KLHL28: variants seen among roughly 807,000 people sequenced by gnomAD.
KLHL28 encodes kelch like family member 28.
KLHL28 carries 22 observed loss-of-function variants against 48.3 expected under a neutral mutation model. The ratio of observed to expected loss-of-function variants is 0.46; its 90% CI spans 0.33 to 0.65. The LOEUF (loss-of-function observed/expected upper bound fraction) is 0.65, where lower values mean the gene tolerates loss of function less well. Among genes scored for constraint, KLHL28 ranks in the 30% least tolerant of loss-of-function variants. The pLI, the probability that KLHL28 is intolerant of heterozygous loss-of-function variation, is 0.03. For synonymous variants in KLHL28, 243 were observed against 242.4 expected (o/e 1.00, Z -0.02); for missense variants, 527 against 704.3 (o/e 0.75, Z 2.85).
chr14:44,956,188 T>C (rs1355367709), intron 1 of KLHL28, among the ~76,000 whole-genome samples: 5 of 152,204 alleles, frequency 3.3e-5, no homozygotes, highest in Non-Finnish European at 7.3e-5. Flanking sequence ...CTCAATCTCC[T>C]GGTCTTAAGC....
chr14:44,936,988 T>C (rs1883852631), intron 2 of KLHL28, among the ~76,000 whole-genome samples: 1 of 152,128 alleles, frequency 6.6e-6, no homozygotes, highest in South Asian at 2.1e-4. Flanking sequence ...AAGAGTGGAA[T>C]GTGTGAACCA....
At chr14:44,947,541 T>C (rs1884390868) in intron 1 of KLHL28, among the ~76,000 whole-genome samples, 1 of 152,186 alleles carries the variant, frequency 6.6e-6, no homozygotes, top group Admixed American at 6.5e-5. Context: ...ATATAAGCTA[T>C]TTCCTTCCTG....
rs1883466803 is a variant in KLHL28 at position 44,928,814 on chromosome 14, T to C, written c.*214A>G. 2.5e-6 allele frequency: 1 copy of C among 397,706 alleles called. No homozygotes were observed. Among genetic ancestry groups the C allele is most frequent in the African/African-American group, 2.1e-5 (1 of 48,166 alleles). The allele number at this position is 397,706 out of a possible 1,614,324, so 24.6% of individuals were successfully genotyped here. On this transcript the variant is annotated 3_prime_UTR_variant, in exon 5 of 5. Transcript: ENST00000396128. The stretch of plus-strand genomic sequence containing the variant: ...TGGCAAAGTCTTTACTTTTTTTTTT[T>C]CTCTTTTTTCTTTTTGATTATTGAT...
rs1883363642 is a variant in KLHL28, at chr14:44,926,121, A to G, written c.*2907T>C. On this transcript the variant is annotated 3_prime_UTR_variant, in exon 5 of 5. Coordinates refer to ENST00000396128, the MANE Select transcript of KLHL28 (RefSeq NM_017658.5). The stretch of plus-strand genomic sequence containing the variant: ...CACAATTTGTCAGCAGAGTGTTCAT[A>G]ATGAAACTTCTCACAAATTTGTAAA... 6.6e-6 allele frequency: 1 copy of G among 152,242 alleles called. No homozygotes were observed. The highest frequency in any genetic ancestry group is 1.5e-5 in the Non-Finnish European group (1 of 68,030). 9.4% of individuals were successfully genotyped at this position (152,242 alleles called of 1,614,324 possible). A position where few individuals can be genotyped will look rare whatever the true frequency, so the allele number is the denominator to read the frequency against.
At chr14:44,952,001 G>C (rs1884605054) in intron 1 of KLHL28, among the ~76,000 whole-genome samples, 1 of 152,068 alleles carries the variant, frequency 6.6e-6, no homozygotes, top group Admixed American at 6.5e-5. Flanking sequence ...TGGGGCTACA[G>C]GCACACATCA....
intron 3 of KLHL28, among the ~76,000 whole-genome samples, chr14:44,933,081 T>C (rs1321765923): frequency 6.6e-6 from 1 of 152,188 alleles, no homozygotes; most frequent in African/African-American, 2.4e-5. Context: ...CTTTAAATCA[T>C]CTCTAGATTA....
rs777944814 is a variant in KLHL28, at chr14:44,924,585, G to A, written c.*4443C>T. 2.0e-5 allele frequency: 3 copies of A among 152,526 alleles called. No homozygotes were observed. Among genetic ancestry groups the A allele is most frequent in the African/African-American group, 7.2e-5 (3 of 41,420 alleles). The allele number at this position is 152,526 out of a possible 1,614,324, so 9.4% of individuals were successfully genotyped here. ...CACAACTAGATCACATTCTTTGCAAGAGAGTACAAATATTAGTACTCTACA... is the reference window on the plus strand; with the variant it reads ...CACAACTAGATCACATTCTTTGCAAAAGAGTACAAATATTAGTACTCTACA... On this transcript the variant is annotated 3_prime_UTR_variant, in exon 5 of 5. Coordinates refer to ENST00000396128, the MANE Select transcript of KLHL28 (RefSeq NM_017658.5).
At chr14:44,954,139 T>C (rs1884701027) in intron 1 of KLHL28, among the ~76,000 whole-genome samples, 1 of 152,232 alleles carries the variant, frequency 6.6e-6, no homozygotes, top group South Asian at 2.1e-4. Context: ...TATAGTCTGT[T>C]GGTGAGGATG....
At chr14:44,931,119 TA>T (rs898868304) in intron 4 of KLHL28, among the ~76,000 whole-genome samples, 3 of 152,112 alleles carry the variant, frequency 2.0e-5, no homozygotes, top group Non-Finnish European at 4.4e-5. Context: ...TGAGAAACAA[TA>T]ATATGCACAT....
intron 1 of KLHL28, among the ~76,000 whole-genome samples, chr14:44,953,361 G>A (rs1250092844): frequency 1.3e-5 from 2 of 152,140 alleles, no homozygotes; most frequent in Non-Finnish European, 2.9e-5. Flanking sequence ...AATAAAATAC[G>A]GGTAAAAACT....
At position 44,945,476 on chromosome 14, in the gene KLHL28, G is replaced by C. The variant is rs1451355793; in HGVS notation, c.453C>G (p.Asp151Glu). Residue 151 changes from aspartate to glutamate, a missense_variant, in exon 2 of 5, where the codon GAC (aspartate) becomes GAG (glutamate). Coordinates refer to ENST00000396128, the MANE Select transcript of KLHL28 (RefSeq NM_017658.5). ...TGTATTTAGTGGCTGCCAAATAAAG[G>C]TCACGGCAACCATATGTTTCTGCAA... Reference protein sequence around the residue: ...SRFAETYGCRDLYLAATKYIC... With the variant: ...SRFAETYGCRELYLAATKYIC... The C allele has an allele frequency of 6.2e-7, 1 of 1,614,042 alleles. No individual in the cohort carries two copies. Among genetic ancestry groups the C allele is most frequent in the African/African-American group, 1.3e-5 (1 of 74,924 alleles).
intron 1 of KLHL28, among the ~76,000 whole-genome samples, chr14:44,960,411 T>C (rs887208553): frequency 5.9e-5 from 9 of 152,224 alleles, no homozygotes; most frequent in Non-Finnish European, 1.5e-5. Context: ...TAGGTTAGTT[T>C]GAACTGGGTT....
Position 44,934,112 on chromosome 14 carries a change from T to C in KLHL28, c.1343+3A>G. 6.3e-7 allele frequency: 1 copy of C among 1,587,624 alleles called. No individual in the cohort carries two copies. The highest frequency in any genetic ancestry group is 1.1e-5 in the South Asian group (1 of 87,640). ...TATGCAATTTAATTATTAAGTTAAA[T>C]ACCTGTTCATGTGGGCAGGACCATA... On this transcript the variant is annotated splice_donor_region_variant and intron_variant, in intron 3 of 4. Transcript: ENST00000396128.
intron 4 of KLHL28, among the ~76,000 whole-genome samples, chr14:44,929,697 A>G (rs893010676): frequency 3.3e-5 from 5 of 152,210 alleles, no homozygotes; most frequent in Non-Finnish European, 7.3e-5. Context: ...AATCCTTATA[A>G]TAAAAGTAAG....
intron 1 of KLHL28, among the ~76,000 whole-genome samples, chr14:44,948,101 G>C (rs1884413681): frequency 6.6e-6 from 1 of 152,120 alleles, no homozygotes; most frequent in African/African-American, 2.4e-5. Flanking sequence ...AGACTTAAAA[G>C]TAAAGAATGA....
At chr14:44,939,931 TG>T (rs1883998765) in intron 2 of KLHL28, among the ~76,000 whole-genome samples, 1 of 152,222 alleles carries the variant, frequency 6.6e-6, no homozygotes, top group Non-Finnish European at 1.5e-5. Context: ...CCCCACTTTT[TG>T]GTACCAGTAT....
intron 2 of KLHL28, among the ~76,000 whole-genome samples, chr14:44,935,890 G>GTGTATATATATATATATATA (rs1555337906): frequency 6.8e-5 from 4 of 59,092 alleles, no homozygotes; most frequent in East Asian, 5.1e-4. Context: ...ATATATGTGT[G>GTGTATATATATATATATATA]TATATATATA....
chr14:44,953,660 G>A (rs1340485137), intron 1 of KLHL28: 1 of 152,402 alleles, frequency 6.6e-6, no homozygotes, highest in East Asian at 1.9e-4. Context: ...CCCCAAGAAA[G>A]CTCACACCAG....
At chr14:44,954,676 AG>A (rs1170387592) in intron 1 of KLHL28, among the ~76,000 whole-genome samples, 3 of 152,238 alleles carry the variant, frequency 2.0e-5, no homozygotes, top group Non-Finnish European at 4.4e-5. Context: ...ATACTTTTAA[AG>A]GTTACCTACA....
Sources: allele counts gnomAD v4.1 joint callset (sites outside exome capture counted in the v4.1 genomes callset), GRCh38; gene constraint gnomAD v4.1.1; transcripts MANE v1.5; gene names NCBI Gene and HGNC (gene_info 2026-07-23, HGNC 2026-07-21).